Variants in CADPS observed in about 807,000 individuals in gnomAD.
CADPS encodes the protein calcium-dependent secretion activator 1.
Under a neutral mutation model 167.3 loss-of-function variants are expected in CADPS, and 57 were observed. The ratio of observed to expected loss-of-function variants is 0.34; its 90% CI spans 0.28 to 0.42. The LOEUF is 0.42. CADPS is among the 20% of genes least tolerant of loss of function. The probability of loss-of-function intolerance (pLI) is 1.00; values close to 1 mark genes in which losing one functional copy is unlikely to be tolerated. For missense variants in CADPS, 1,414 were observed against 1,738.1 expected (o/e 0.81, Z 3.32); for synonymous variants, 676 against 635.3 (o/e 1.06, Z -0.96).
At chr3:62,710,280 G>C (rs1015513783) in intron 3 of CADPS, among the ~76,000 whole-genome samples, 2 of 151,958 alleles carry the variant, frequency 1.3e-5, no homozygotes, top group East Asian at 1.9e-4. Flanking sequence ...CAACTGGGGT[G>C]GGGGAGGGGC....
intron 17 of CADPS, among the ~76,000 whole-genome samples, chr3:62,510,647 T>C (rs2067604624): frequency 6.6e-6 from 1 of 152,126 alleles, no homozygotes; most frequent in Non-Finnish European, 1.5e-5. Flanking sequence ...CATAGCCCTG[T>C]AGATTCTTAA....
intron 1 of CADPS, among the ~76,000 whole-genome samples, chr3:62,855,370 A>AC (rs1343054317): frequency 6.6e-6 from 1 of 151,946 alleles, no homozygotes; most frequent in East Asian, 1.9e-4. Flanking sequence ...ATTTTTTAAA[A>AC]CACCCCATAA....
intron 28 of CADPS, among the ~76,000 whole-genome samples, chr3:62,422,531 CT>C (rs1317467885): frequency 6.6e-6 from 1 of 151,540 alleles, no homozygotes; most frequent in African/African-American, 2.4e-5. Context: ...TCCTTCCTTA[CT>C]TTTTTTCTCT....
intron 4 of CADPS, among the ~76,000 whole-genome samples, chr3:62,661,663 A>T (rs2073233106): frequency 2.6e-5 from 4 of 152,114 alleles, no homozygotes. Flanking sequence ...TATGAGTTTT[A>T]TCCGGGCAAC....
At chr3:62,560,615 G>C (rs932977349) in intron 9 of CADPS, among the ~76,000 whole-genome samples, 4 of 152,138 alleles carry the variant, frequency 2.6e-5, no homozygotes, top group African/African-American at 9.7e-5. Flanking sequence ...ATTTTCATAG[G>C]GTAGGTACCT....
At chr3:62,827,165 G>A (rs1200255091) in intron 1 of CADPS, among the ~76,000 whole-genome samples, 3 of 152,150 alleles carry the variant, frequency 2.0e-5, no homozygotes, top group Non-Finnish European at 4.4e-5. Flanking sequence ...GGTGTGTAAA[G>A]AAATCTATCC....
chr3:62,417,276 C>CTT (rs11353455), intron 28 of CADPS, among the ~76,000 whole-genome samples: 2 of 64,044 alleles, frequency 3.1e-5, no homozygotes, highest in African/African-American at 5.8e-5. Flanking sequence ...TTCTTTTACT[C>CTT]TTTTTTTTTT....
At chr3:62,532,699 GAAGA>G (rs1653258087) in intron 13 of CADPS, among the ~76,000 whole-genome samples, 168 bp downstream of exon 13, 1 of 145,594 alleles carries the variant, frequency 6.9e-6, no homozygotes, top group African/African-American at 2.6e-5. Flanking sequence ...CTTGAAAGGA[GAAGA>G]AAGTTAGTGC....
rs538225153 is a variant in CADPS, at chr3:62,687,650, A to G, written c.889-25256T>C. Among the ~76,000 whole-genome samples, 465 of 150,758 alleles carry G rather than the reference A, an allele frequency of 3.1e-3. 1 individual carries two copies. The highest frequency in any genetic ancestry group is 5.5e-3 in the Non-Finnish European group (372 of 67,826). On this transcript the variant is annotated intron_variant, in intron 3 of 29. Coordinates refer to ENST00000383710, the MANE Select transcript of CADPS (RefSeq NM_003716.4). ...AGTACTTTTTCTTTCTGCTAATATT[A>G]TCTATTGTGTATACTGAAATCTTAT...
At chr3:62,759,201 G>T (rs2084746289) in intron 2 of CADPS, among the ~76,000 whole-genome samples, 1 of 151,980 alleles carries the variant, frequency 6.6e-6, no homozygotes, top group East Asian at 1.9e-4. Context: ...ATCTTCCTGG[G>T]CTTTAATTTC....
At chr3:62,751,159 G>C (rs1393386528) in intron 3 of CADPS, among the ~76,000 whole-genome samples, 1 of 151,764 alleles carries the variant, frequency 6.6e-6, no homozygotes, top group Admixed American at 6.6e-5. Flanking sequence ...CATAGAAATG[G>C]GTATTATATG....
At chr3:62,537,656 G>A (rs1489670089) in intron 11 of CADPS, among the ~76,000 whole-genome samples, 1 of 152,008 alleles carries the variant, frequency 6.6e-6, no homozygotes, top group African/African-American at 2.4e-5. Context: ...GATGCTGTCA[G>A]GACACGGGAA....
intron 16 of CADPS, 84 bp downstream of exon 16, chr3:62,515,975 G>A: frequency 6.5e-7 from 1 of 1,533,240 alleles, no homozygotes; most frequent in Admixed American, 1.7e-5. Context: ...ACTGTTTTCA[G>A]GTGCCCTTGA....
intron 3 of CADPS, among the ~76,000 whole-genome samples, chr3:62,708,268 A>C (rs1266694753): frequency 2.0e-5 from 3 of 151,908 alleles, no homozygotes; most frequent in Non-Finnish European, 4.4e-5. Flanking sequence ...AAGCCAGGAA[A>C]TAACAATGAT....
At chr3:62,603,814 G>C (rs776773505) in intron 6 of CADPS, among the ~76,000 whole-genome samples, 2 of 151,886 alleles carry the variant, frequency 1.3e-5, no homozygotes, top group Admixed American at 6.6e-5. Context: ...TGGTTCTGAT[G>C]CTTGCTATCT....
chr3:62,573,295 C>T (rs67801338), intron 8 of CADPS, among the ~76,000 whole-genome samples: 53,117 of 151,982 alleles, frequency 0.35, 10,366 homozygotes, highest in African/African-American at 0.53. Flanking sequence ...TTTTTTATTA[C>T]GGTATTTTTA....
At chr3:62,500,958 G>C (rs1471047776) in intron 17 of CADPS, among the ~76,000 whole-genome samples, 1 of 152,208 alleles carries the variant, frequency 6.6e-6, no homozygotes, top group Non-Finnish European at 1.5e-5. Flanking sequence ...AAGGTGATTA[G>C]TGGGACAGGG....
At chr3:62,419,776 A>G (rs988331528) in intron 28 of CADPS, among the ~76,000 whole-genome samples, 37 of 152,196 alleles carry the variant, frequency 2.4e-4, no homozygotes, top group Admixed American at 1.8e-3. Flanking sequence ...TTTGCATACC[A>G]TATAGAAATG....
At position 62,539,443 on chromosome 3, in the gene CADPS, A is replaced by G. The variant is rs151010996; in HGVS notation, c.1967-2862T>C. 9.0e-3 allele frequency among the ~76,000 whole-genome samples: 1,366 copies of G among 152,198 alleles called. 22 individuals carry two copies. Among genetic ancestry groups the G allele is most frequent in the African/African-American group, 0.031 (1,302 of 41,530 alleles). On this transcript the variant is annotated intron_variant, in intron 11 of 29. Coordinates refer to ENST00000383710, the MANE Select transcript of CADPS (RefSeq NM_003716.4). Reference sequence around the variant, plus strand: ...TTATTCTAATGGTTCCCACAACTCAAGAGCGCTTACAAGGGTGGCTGGCTC... The same window carrying G: ...TTATTCTAATGGTTCCCACAACTCAGGAGCGCTTACAAGGGTGGCTGGCTC...
Sources: allele counts gnomAD v4.1 joint callset (sites outside exome capture counted in the v4.1 genomes callset), GRCh38; gene constraint gnomAD v4.1.1; transcripts MANE v1.5; gene names NCBI Gene and HGNC (gene_info 2026-07-23, HGNC 2026-07-21).